FAAH2: variants seen among roughly 807,000 people sequenced by gnomAD.
FAAH2 encodes the protein fatty-acid amide hydrolase 2.
Under a neutral mutation model 36.9 loss-of-function variants are expected in FAAH2, and 60 were observed. The ratio of observed to expected loss-of-function variants is 1.63; its 90% CI spans 1.32 to 2.02. The LOEUF (loss-of-function observed/expected upper bound fraction) is 2.02. FAAH2 is among the 30% of genes most tolerant of loss of function. The pLI, the probability that FAAH2 is intolerant of heterozygous loss-of-function variation, is 0.00. For synonymous variants in FAAH2, 214 were observed against 143.8 expected (o/e 1.49, Z -3.49); for missense variants, 689 against 397.5 (o/e 1.73, Z -6.23).
At chrX:57,299,107 G>A (rs1009041564) in intron 2 of FAAH2, among the ~76,000 whole-genome samples, 2 of 111,436 alleles carry the variant, frequency 1.8e-5, no homozygotes, top group African/African-American at 3.3e-5. Flanking sequence ...CATTTTATGA[G>A]GCCAGCATCA....
At chrX:57,275,452 A>G in the FAAH2 span, among the ~76,000 whole-genome samples, 2 of 112,188 alleles carry the variant, frequency 1.8e-5, no homozygotes, top group Non-Finnish European at 3.8e-5. Flanking sequence ...GACAACCAGT[A>G]CCAGCCACTG....
chrX:57,421,702 G>A (rs2056033526), intron 7 of FAAH2, among the ~76,000 whole-genome samples: 1 of 111,922 alleles, frequency 8.9e-6, no homozygotes, highest in Non-Finnish European at 1.9e-5. Context: ...ATATAAATTT[G>A]GTGAAAGAAG....
At chrX:57,354,656 T>C (rs1176271873) in intron 5 of FAAH2, among the ~76,000 whole-genome samples, 2 of 110,875 alleles carry the variant, frequency 1.8e-5, no homozygotes, top group Non-Finnish European at 3.8e-5. Context: ...AGTAAACCTT[T>C]GTTAAGTATA....
the FAAH2 span, among the ~76,000 whole-genome samples, chrX:57,166,462 T>TA: frequency 8.9e-6 from 1 of 111,775 alleles, no homozygotes; most frequent in Non-Finnish European, 1.9e-5. Context: ...GACCTGCCCA[T>TA]AGGCATGCTC....
At chrX:57,157,749 C>T in the FAAH2 span, among the ~76,000 whole-genome samples, 25 of 111,622 alleles carry the variant, frequency 2.2e-4, no homozygotes, top group East Asian at 6.4e-3. Context: ...TTTGGTGTTC[C>T]GCAGGGGGTA....
At chrX:57,148,186 C>A in the FAAH2 span, among the ~76,000 whole-genome samples, 1 of 111,153 alleles carries the variant, frequency 9.0e-6, no homozygotes, top group Non-Finnish European at 1.9e-5. Context: ...AGTTTGAAGT[C>A]AGGTAGCATG....
the FAAH2 span, among the ~76,000 whole-genome samples, chrX:57,209,000 T>C: frequency 7.2e-5 from 8 of 111,624 alleles, no homozygotes; most frequent in Admixed American, 4.8e-4. Flanking sequence ...ATTTTGTTTA[T>C]GGCTAGTTTT....
At chrX:57,269,674 C>G in the FAAH2 span, among the ~76,000 whole-genome samples, 2 of 111,533 alleles carry the variant, frequency 1.8e-5, no homozygotes, top group African/African-American at 6.5e-5. Flanking sequence ...TTATTTGAAA[C>G]TAATGAGAAC....
At chrX:57,387,536 G>T (rs2055056362) in intron 7 of FAAH2, among the ~76,000 whole-genome samples, 1 of 111,164 alleles carries the variant, frequency 9.0e-6, no homozygotes, top group Non-Finnish European at 1.9e-5. Flanking sequence ...TAAAAATAAG[G>T]TTGTAGAACC....
At chrX:57,141,143 T>C in the FAAH2 span, among the ~76,000 whole-genome samples, 2 of 112,139 alleles carry the variant, frequency 1.8e-5, no homozygotes, top group Non-Finnish European at 3.8e-5. Flanking sequence ...GTTTTTTTCA[T>C]GAAACGATGT....
chrX:57,397,692 C>CT (rs758994056), intron 7 of FAAH2, among the ~76,000 whole-genome samples: 1,188 of 108,159 alleles, frequency 0.011, 15 homozygotes, highest in African/African-American at 0.038. Flanking sequence ...TCTGTAGCTG[C>CT]TTTTTTTTTC....
At chrX:57,362,942 G>A (rs2054321597) in intron 5 of FAAH2, among the ~76,000 whole-genome samples, 1 of 111,655 alleles carries the variant, frequency 9.0e-6, no homozygotes, top group Admixed American at 9.5e-5. Context: ...TAGGTGTCTG[G>A]TTTTATAACA....
At chrX:57,179,932 C>A in the FAAH2 span, among the ~76,000 whole-genome samples, 95 of 111,935 alleles carry the variant, frequency 8.5e-4, no homozygotes, top group African/African-American at 2.9e-3. Context: ...GATAACAGCA[C>A]AATAAAAATA....
At chrX:57,137,497 G>T in the FAAH2 span, 7 of 206,151 alleles carry the variant, frequency 3.4e-5, 1 homozygote, top group Non-Finnish European at 5.1e-5. Context: ...AGTCCCTGAT[G>T]CAGTGGCTGT....
chrX:57,220,269 G>T, the FAAH2 span, among the ~76,000 whole-genome samples: 10 of 108,866 alleles, frequency 9.2e-5, no homozygotes, highest in Non-Finnish European at 1.9e-4. Context: ...CCAGTCAGCT[G>T]TATCCACTTA....
intron 2 of FAAH2, among the ~76,000 whole-genome samples, chrX:57,299,224 G>A (rs972738428): frequency 4.5e-5 from 5 of 111,843 alleles, no homozygotes; most frequent in African/African-American, 9.7e-5. Context: ...CTGGCAAACC[G>A]AATCCAGCAA....
chrX:57,299,645 A>G (rs1159611698), intron 2 of FAAH2, among the ~76,000 whole-genome samples: 1 of 112,091 alleles, frequency 8.9e-6, no homozygotes, highest in Non-Finnish European at 1.9e-5. Context: ...ACATTCAATT[A>G]GGAAAAGAGG....
At chrX:57,322,305 T>A (rs906118818) in intron 3 of FAAH2, among the ~76,000 whole-genome samples, 7 of 112,152 alleles carry the variant, frequency 6.2e-5, no homozygotes, top group African/African-American at 2.3e-4. Context: ...TTTTTGTTTT[T>A]AAAGAATATT....
intron 7 of FAAH2, among the ~76,000 whole-genome samples, chrX:57,399,031 C>G (rs147968668): frequency 9.0e-6 from 1 of 111,222 alleles, no homozygotes; most frequent in East Asian, 2.8e-4. Context: ...TATCAACATC[C>G]GAGCATGGAC....
Sources: gnomAD v4.1 joint callset for allele counts (sites outside exome capture counted in the v4.1 genomes callset) on GRCh38, gnomAD v4.1.1 for gene constraint, MANE v1.5 for transcripts, NCBI Gene and HGNC (gene_info 2026-07-23, HGNC 2026-07-21) for gene names.